CSRP3: variants seen among roughly 807,000 people sequenced by gnomAD.
CSRP3 encodes the protein cysteine and glycine rich protein 3.
In CSRP3, 24 loss-of-function variants were observed where a neutral mutation model predicts 24.3. The observed-to-expected ratio is 0.99, with a 90% CI of 0.71 to 1.39. CSRP3 has a LOEUF of 1.39. Among genes scored for constraint, CSRP3 ranks in the 40% most tolerant of loss-of-function variants. CSRP3 has a pLI of 0.00. For synonymous variants in CSRP3, 105 were observed against 94.0 expected, an observed-to-expected ratio of 1.12 and a Z score of -0.68; for missense variants, 240 against 249.0, an observed-to-expected ratio of 0.96 and a Z score of 0.24.
intron 2 of CSRP3, among the ~76,000 whole-genome samples, chr11:19,191,781 G>A (rs917144496): frequency 4.1e-4 from 63 of 152,082 alleles, no homozygotes; most frequent in African/African-American, 1.3e-3. Flanking sequence ...AGTGTCTGGC[G>A]GGTAATGGTC....
At position 19,192,486 on chromosome 11, in the gene CSRP3, C is replaced by T. The variant is rs1565053224; in HGVS notation, c.-28-10G>A. The stretch of plus-strand genomic sequence containing the variant: ...CTGGTCAAGGTCAAGTCTAAGGGGA[C>T]ATAAAGCAAATACCCTACATTGAAG... On this transcript the variant is annotated splice_polypyrimidine_tract_variant and intron_variant, in intron 1 of 5. Transcript: ENST00000265968. The T allele has an allele frequency of 3.3e-6, 5 of 1,537,450 alleles. No homozygotes were observed. The South Asian group carries it at 5.6e-5, about 17-fold the overall frequency.
intron 1 of CSRP3, among the ~76,000 whole-genome samples, chr11:19,195,589 T>G (rs1229594601): frequency 6.6e-6 from 1 of 152,164 alleles, no homozygotes; most frequent in Non-Finnish European, 1.5e-5. Flanking sequence ...CAACCTTAGG[T>G]CAAATTTCTC....
chr11:19,182,167 A>G lies in CSRP3; in HGVS notation c.*503T>C, dbSNP rs1850444967. 1.3e-5 allele frequency: 2 copies of G among 158,672 alleles called. No homozygotes were observed. The highest frequency in any genetic ancestry group is 6.0e-5 in the Admixed American group (1 of 16,754). The allele number at this position is 158,672 out of a possible 1,614,324, so 9.8% of individuals were successfully genotyped here. A position where few individuals can be genotyped will look rare whatever the true frequency, so the allele number is the denominator to read the frequency against. ...TTTTATTAGTTTTGATTTTCCTTTT[A>G]GATTTTGCTATCATGTTCTCTATTT... On this transcript the variant is annotated 3_prime_UTR_variant, in exon 6 of 6. Transcript: ENST00000265968.
At chr11:19,186,496 C>T (rs569395962) in intron 3 of CSRP3, 148 bp from the exon 4 acceptor site, 34 of 1,091,032 alleles carry the variant, frequency 3.1e-5, no homozygotes, top group Admixed American at 5.9e-5. Context: ...TTTCTCATAG[C>T]GTTGTTGAGA....
intron 3 of CSRP3, 89 bp from the exon 4 acceptor site, chr11:19,186,437 C>A: frequency 1.3e-6 from 2 of 1,494,430 alleles, no homozygotes; most frequent in Non-Finnish European, 9.3e-7. Context: ...GACCTCACTT[C>A]CGTGTGTCTC....
chr11:19,186,416 C>A (rs1565050874), intron 3 of CSRP3, 68 bp from the exon 4 acceptor site: 11 of 1,598,760 alleles, frequency 6.9e-6, no homozygotes, highest in Middle Eastern at 3.3e-4. Context: ...GCTGTGTGGC[C>A]TTGAGAAAGT....
chr11:19,197,556 T>TTTCTTTCC (rs1348864317), intron 1 of CSRP3, among the ~76,000 whole-genome samples: 2 of 140,518 alleles, frequency 1.4e-5, no homozygotes, highest in African/African-American at 5.5e-5. Flanking sequence ...TCTTTCTTTC[T>TTTCTTTCC]TTCTTTCTTT....
At chr11:19,195,361 A>G (rs1015005608) in intron 1 of CSRP3, among the ~76,000 whole-genome samples, 7 of 152,106 alleles carry the variant, frequency 4.6e-5, no homozygotes, top group Non-Finnish European at 8.8e-5. Context: ...GCATTTAGGG[A>G]TATTTTTCTT....
At chr11:19,185,153 T>TAGGTAAGCAAA in intron 4 of CSRP3, 108 bp from the exon 5 acceptor site, 3 of 822,650 alleles carry the variant, frequency 3.6e-6, no homozygotes, top group Non-Finnish European at 6.3e-6. Flanking sequence ...TCTTAACCAT[T>TAGGTAAGCAAA]TGCTTACCTA....
Position 19,192,416 on chromosome 11 carries a change from T to C in CSRP3, c.33A>G (p.Gly11=). 3 of 1,614,176 alleles carry C rather than the reference T, an allele frequency of 1.9e-6. No individual in the cohort carries two copies. Among genetic ancestry groups the C allele is most frequent in the Non-Finnish European group, 2.5e-6 (3 of 1,180,018 alleles). ...CATGGTAGACGGTCTTTTCACAGGC[T>C]CCACATTTTGCGCCTCCGCCCCAGT... MPNWGGGAKC[G]ACEKTVYHAE... Residue 11 remains glycine, a synonymous_variant, in exon 2 of 6, where the codon GGA becomes GGG. Transcript: ENST00000265968.
chr11:19,185,540 G>T (rs189513928), intron 4 of CSRP3, among the ~76,000 whole-genome samples: 2 of 152,308 alleles, frequency 1.3e-5, no homozygotes, highest in South Asian at 2.1e-4. Flanking sequence ...GCACATCTGC[G>T]TGTCTACCAG....
At chr11:19,194,018 T>A (rs779393673) in intron 1 of CSRP3, among the ~76,000 whole-genome samples, 5 of 152,202 alleles carry the variant, frequency 3.3e-5, no homozygotes, top group Non-Finnish European at 5.9e-5. Context: ...TAGTGTGTCA[T>A]GACATGGAGC....
At chr11:19,200,854 G>A (rs1850826811) in intron 1 of CSRP3, among the ~76,000 whole-genome samples, 1 of 152,164 alleles carries the variant, frequency 6.6e-6, no homozygotes, top group Admixed American at 6.5e-5. Flanking sequence ...TCTTCGTGCT[G>A]TTCACTTATA....
At chr11:19,188,113 G>A in intron 3 of CSRP3, 23 bp downstream of exon 3, 19 of 1,614,072 alleles carry the variant, frequency 1.2e-5, no homozygotes, top group Non-Finnish European at 1.6e-5. Context: ...TAACAGGCAA[G>A]GGGGAGCAGG....
At chr11:19,198,528 G>A (rs1030525935) in intron 1 of CSRP3, among the ~76,000 whole-genome samples, 2 of 152,274 alleles carry the variant, frequency 1.3e-5, no homozygotes, top group African/African-American at 4.8e-5. Context: ...CAGCTGAGGT[G>A]GGGACGGATG....
rs146597661 is a variant in CSRP3 at position 19,190,711 on chromosome 11, G to A, written c.112+1626C>T. ...TAAGGTAGACCCTGCGTCTCTGAAC[G>A]CCTTTTCCAGCAGCTACAGAGTTGC... On this transcript the variant is annotated intron_variant, in intron 2 of 5. Coordinates refer to ENST00000265968, the MANE Select transcript of CSRP3 (RefSeq NM_003476.5). 3.2e-3 allele frequency among the ~76,000 whole-genome samples: 491 copies of A among 152,308 alleles called. 3 individuals carry two copies. Among genetic ancestry groups the A allele is most frequent in the Admixed American group, 7.6e-3 (116 of 15,300 alleles).
intron 1 of CSRP3, among the ~76,000 whole-genome samples, chr11:19,200,560 T>G (rs1008721126): frequency 2.0e-5 from 3 of 152,136 alleles, no homozygotes; most frequent in South Asian, 2.1e-4. Flanking sequence ...TTCTGATGGA[T>G]GACACGTGTG....
chr11:19,186,126 CT>C, intron 4 of CSRP3, 89 bp downstream of exon 4: 2 of 1,538,860 alleles, frequency 1.3e-6, no homozygotes, highest in South Asian at 2.2e-5. Context: ...AGAATGACAG[CT>C]GCTTGCAGCT....
chr11:19,186,392 C>A (rs1225649559), intron 3 of CSRP3, 44 bp from the exon 4 acceptor site: 1 of 1,613,608 alleles, frequency 6.2e-7, no homozygotes, highest in Non-Finnish European at 8.5e-7. Context: ...TTTCCCTTGG[C>A]AAAGAGTAGA....
Sources: gnomAD v4.1 joint callset for allele counts (sites outside exome capture counted in the v4.1 genomes callset) on GRCh38, gnomAD v4.1.1 for gene constraint, MANE v1.5 for transcripts, NCBI Gene and HGNC (gene_info 2026-07-23, HGNC 2026-07-21) for gene names.